The following BCL9L variants were observed in gnomAD, a reference collection of about 807,000 sequenced individuals.
BCL9L encodes B-cell CLL/lymphoma 9-like protein.
A neutral mutation model predicts 99.4 loss-of-function variants in BCL9L; 19 were observed. The ratio of observed to expected loss-of-function variants is 0.19; its 90% CI spans 0.13 to 0.28. The LOEUF is 0.28. Among genes scored for constraint, BCL9L ranks in the 10% least tolerant of loss-of-function variants. BCL9L has a pLI of 1.00. For synonymous variants in BCL9L, 900 were observed against 854.8 expected (o/e 1.05, Z -0.92); for missense variants, 2,023 against 2,101.6 (o/e 0.96, Z 0.73).
chr11:118,923,539 G>T (rs1335362501), intron 1 of BCL9L, among the ~76,000 whole-genome samples: 2 of 152,140 alleles, frequency 1.3e-5, no homozygotes, highest in African/African-American at 4.8e-5. Context: ...CCGGTCCCAT[G>T]ACTCCCCATC....
rs1356680039 is a variant in BCL9L, at chr11:118,908,227, C to T, written c.412+43G>A. On this transcript the variant is annotated intron_variant, in intron 4 of 9. Coordinates refer to ENST00000683865, the MANE Select transcript of BCL9L (RefSeq NM_001378213.1). ...TCTCCCAGAACATCTGAGCCTTGGACTATGGGAGATGCTAGGGTCTTAGGG... is the reference window on the plus strand; with the variant it reads ...TCTCCCAGAACATCTGAGCCTTGGATTATGGGAGATGCTAGGGTCTTAGGG... The T allele has an allele frequency of 2.6e-6, 4 of 1,517,424 alleles. No individual in the cohort carries two copies. The Admixed American group carries it at 8.9e-5, about 34-fold the overall frequency. The allele number at this position is 1,517,424 out of a possible 1,614,324, so 94.0% of individuals were successfully genotyped here.
intron 5 of BCL9L, among the ~76,000 whole-genome samples, chr11:118,905,294 A>C (rs764608440): frequency 1.3e-5 from 2 of 152,138 alleles, no homozygotes; most frequent in African/African-American, 2.4e-5. Context: ...GGATCACTTG[A>C]GGGCAGGAGT....
At chr11:118,911,148 G>C (rs1339677360) in intron 2 of BCL9L, 1 of 445,438 alleles carries the variant, frequency 2.2e-6, no homozygotes, top group Non-Finnish European at 4.5e-6. Context: ...CAAACACAGA[G>C]GCCTCACCCA....
At position 118,897,720 on chromosome 11, in the gene BCL9L, C is replaced by T. The variant is rs1316112867; in HGVS notation, c.*695G>A. The T allele has an allele frequency of 4.5e-6, 2 of 448,784 alleles. No homozygotes were observed. Among genetic ancestry groups the T allele is most frequent in the East Asian group, 1.4e-4 (2 of 14,376 alleles). The allele number at this position is 448,784 out of a possible 1,614,324, so 27.8% of individuals were successfully genotyped here. A position where few individuals can be genotyped will look rare whatever the true frequency, so the allele number is the denominator to read the frequency against. ...CCTGGGTCCAGGGGAATGGAGGGAG[C>T]AATAACTTGAAGAAGGGGGGAAGGG... On this transcript the variant is annotated 3_prime_UTR_variant, in exon 10 of 10. Transcript: ENST00000683865.
At position 118,902,993 on chromosome 11, in the gene BCL9L, G is replaced by C. The variant is rs976407877; in HGVS notation, c.831C>G (p.Asp277Glu). ...CTCACAGAGGCGCCACGCTCACCTG[G>C]TCAAGCTTGGCCCGGGGCACGTTCT... ...HQQNVPRAKL[D>E]QAPKVPPTPE... The change falls in exon 7 of 10, where the codon GAC (aspartate) becomes GAG (glutamate). Residue 277 changes from aspartate (D) to glutamate (E), a missense_variant. Asp to Glu is a conservative substitution (Grantham distance 45). This residue lies in a region of BCL9L where 1,116 missense variants were observed against 1,194.6 expected (regional missense o/e 0.93). Transcript: ENST00000683865. This position sits in a 1 kb window ranked among gnomAD's most constrained non-coding sequence, Gnocchi z 7.8. 1.9e-6 allele frequency: 3 copies of C among 1,596,050 alleles called. No homozygotes were observed. The highest frequency in any genetic ancestry group is 3.4e-5 in the Admixed American group (2 of 58,412).
At chr11:118,912,902 T>C (rs1940851608) in intron 2 of BCL9L, among the ~76,000 whole-genome samples, 2 of 152,194 alleles carry the variant, frequency 1.3e-5, no homozygotes, top group Admixed American at 1.3e-4. Context: ...CTCAGGGAGA[T>C]ACAGCGCCCG....
chr11:118,903,235 C>T lies in BCL9L; in HGVS notation c.749+1G>A, dbSNP rs1484630667. 6.3e-7 allele frequency: 1 copy of T among 1,591,892 alleles called. No individual in the cohort carries two copies. Among genetic ancestry groups the T allele is most frequent in the Non-Finnish European group, 8.5e-7 (1 of 1,171,128 alleles). On this transcript the variant is annotated splice_donor_variant, in intron 6 of 9. Coordinates refer to ENST00000683865, the MANE Select transcript of BCL9L (RefSeq NM_001378213.1). LOFTEE classifies it high-confidence loss of function. This position sits in a 1 kb window ranked among gnomAD's most constrained non-coding sequence, Gnocchi z 5.6. ...ACTTGGCCTGCCCACCAGGCACTTA[C>T]GTGTTGGCCAGGTGGGTGGTGAAGA...
chr11:118,919,106 C>G (rs1451516354), intron 1 of BCL9L, among the ~76,000 whole-genome samples: 10 of 18,368 alleles, frequency 5.4e-4, no homozygotes, highest in African/African-American at 2.4e-3. Context: ...GCACCGCTGC[C>G]CCCCCCCCCC....
rs1431030940 is a variant in BCL9L at position 118,899,166 on chromosome 11, C to A, written c.3749G>T (p.Gly1250Val). 6.7e-7 allele frequency: 1 copy of A among 1,487,798 alleles called. No individual in the cohort carries two copies. Among genetic ancestry groups the A allele is most frequent in the Admixed American group, 2.3e-5 (1 of 43,922 alleles). 92.2% of individuals were successfully genotyped at this position (1,487,798 alleles called of 1,614,324 possible). A position where few individuals can be genotyped will look rare whatever the true frequency, so the allele number is the denominator to read the frequency against. ...APTGGGGGGP[G>V]LQQHYPSGMA... ...GCCTGACGGGTAGTGCTGCTGCAGG[C>A]CAGGCCCCCCGCCCCCACCCCCAGT... Residue 1250 changes from glycine (G) to valine (V), a missense_variant, in exon 10 of 10, where the codon GGC (glycine) becomes GTC (valine). Gly to Val is a moderately radical substitution (Grantham distance 109). Coordinates refer to ENST00000683865, the MANE Select transcript of BCL9L (RefSeq NM_001378213.1).
rs1442760032 is a variant in BCL9L, at chr11:118,898,756, G to A, written c.4159C>T (p.Leu1387Phe). ...CCAGGGTGGCACATGGACATGTTGA[G>A]CCCCCGCTGGACGCCCTGCTGGCCT... ...LPGQQGVQRG[L>F]NMSMCHPGQM... is the part of the protein sequence containing the mutation. The change falls in exon 10 of 10, where the codon CTC (leucine) becomes TTC (phenylalanine). Residue 1387 changes from leucine to phenylalanine, a missense_variant. This residue lies in a region of BCL9L where 902 missense variants were observed against 888.2 expected (regional missense o/e 1.02). Transcript: ENST00000683865. 2 of 1,613,628 alleles carry A rather than the reference G, an allele frequency of 1.2e-6. No individual in the cohort carries two copies. Among genetic ancestry groups the A allele is most frequent in the South Asian group, 2.2e-5 (2 of 91,072 alleles).
At chr11:118,912,118 G>C (rs1294946381) in intron 2 of BCL9L, among the ~76,000 whole-genome samples, 2 of 152,030 alleles carry the variant, frequency 1.3e-5, no homozygotes, top group Admixed American at 1.3e-4. Flanking sequence ...TGCCCCTCAA[G>C]AGTCTGCCCC....
At chr11:118,912,232 T>G (rs966083349) in intron 2 of BCL9L, among the ~76,000 whole-genome samples, 4 of 152,184 alleles carry the variant, frequency 2.6e-5, no homozygotes, top group African/African-American at 9.7e-5. Context: ...CCAATGCAAT[T>G]TTAAAGCACC....
At position 118,923,477 on chromosome 11, in the gene BCL9L, C is replaced by T. The variant is rs190494367; in HGVS notation, c.-131+1761G>A. Among the ~76,000 whole-genome samples the T allele has an allele frequency of 5.3e-5, 8 of 152,202 alleles. 1 individual carries two copies. In the East Asian group the frequency reaches 7.7e-4, roughly 15 times the overall value. On this transcript the variant is annotated intron_variant, in intron 1 of 9. Coordinates refer to ENST00000683865, the MANE Select transcript of BCL9L (RefSeq NM_001378213.1). ...AATAGGTCCCAAATTGCCACTGAGG[C>T]GCTAGATTTCTGTGGACTGCCAATC...
In BCL9L at chr11:118,922,415, G is replaced by A. The variant is rs866002658; in HGVS notation, c.-131+2823C>T. Reference sequence around the variant, plus strand: ...CAGGAGCTCCCACCAGCCCCATCCCGGCTCCTCTGGCCAGTTAGAGCTTCC... The same window carrying A: ...CAGGAGCTCCCACCAGCCCCATCCCAGCTCCTCTGGCCAGTTAGAGCTTCC... On this transcript the variant is annotated intron_variant, in intron 1 of 9. Coordinates refer to ENST00000683865, the MANE Select transcript of BCL9L (RefSeq NM_001378213.1). This position sits in a 1 kb window ranked among gnomAD's most constrained non-coding sequence, Gnocchi z 6.2. Among the ~76,000 whole-genome samples, 2 of 152,150 alleles carry A rather than the reference G, an allele frequency of 1.3e-5. No individual in the cohort carries two copies. Among genetic ancestry groups the A allele is most frequent in the Non-Finnish European group, 2.9e-5 (2 of 67,992 alleles).
chr11:118,920,829 A>G (rs1941116775), intron 1 of BCL9L, among the ~76,000 whole-genome samples: 1 of 152,168 alleles, frequency 6.6e-6, no homozygotes, highest in Non-Finnish European at 1.5e-5. Flanking sequence ...AACTGCCAGA[A>G]GCCTTGGCCC....
At chr11:118,923,265 C>T (rs549236355) in intron 1 of BCL9L, among the ~76,000 whole-genome samples, 23 of 152,316 alleles carry the variant, frequency 1.5e-4, no homozygotes, top group Admixed American at 7.8e-4. Flanking sequence ...AGGTGCCAGG[C>T]ATTCCAGCCC....
rs777602210 is a variant in BCL9L at position 118,908,616 on chromosome 11, C to T, written c.66G>A (p.Pro22=). The change falls in exon 4 of 10, where the codon CCG becomes CCA. Residue 22 remains proline, a synonymous_variant. Transcript: ENST00000683865. The stretch of plus-strand genomic sequence containing the variant: ...GGCAATGACCGCGGGGGGACAGCGG[C>T]GGGCTCCCTGGAGCTTCTCTCCTCC... ...HPRRREAPGS[P]PLSPRGHCPP... 121 of 1,612,516 alleles carry T rather than the reference C, an allele frequency of 7.5e-5. No homozygotes were observed. Among genetic ancestry groups the T allele is most frequent in the Non-Finnish European group, 9.3e-5 (110 of 1,179,742 alleles).
chr11:118,912,824 C>A (rs1487016030), intron 2 of BCL9L, among the ~76,000 whole-genome samples: 1 of 152,170 alleles, frequency 6.6e-6, no homozygotes, highest in East Asian at 1.9e-4. Context: ...GCCAGGGCCC[C>A]CTGTGATGAC....
rs1940248453 is a variant in BCL9L at position 118,901,708 on chromosome 11, G to A, written c.2035C>T (p.Leu679=). 1 of 1,613,618 alleles carries A rather than the reference G, an allele frequency of 6.2e-7. No individual in the cohort carries two copies. The highest frequency in any genetic ancestry group is 2.2e-5 in the East Asian group (1 of 44,880). The change falls in exon 8 of 10, where the codon CTG becomes TTG. Residue 679 remains leucine, a synonymous_variant. Coordinates refer to ENST00000683865, the MANE Select transcript of BCL9L (RefSeq NM_001378213.1). The surrounding 1 kb of genome is among the most constrained non-coding windows in gnomAD (Gnocchi z 6.6). ...CGCTTCTCCAGCAGCTGGTGCCGCA[G>A]CAGCTCCTCACGGACCCGGGGAGTC... ...FMTPRVREEL[L]RHQLLEKRSM... is the part of the protein sequence containing the mutation.
Sources: gnomAD v4.1 joint callset for allele counts (sites outside exome capture counted in the v4.1 genomes callset) on GRCh38, gnomAD v4.1.1 for gene constraint, gnomAD v4.1.1 regional missense constraint, Gnocchi (gnomAD v3.1) non-coding constraint, MANE v1.5 for transcripts, NCBI Gene and HGNC (gene_info 2026-07-23, HGNC 2026-07-21) for gene names.